OTUD7A: variants seen among roughly 807,000 people sequenced by gnomAD.
OTUD7A encodes the protein OTU deubiquitinase 7A.
In OTUD7A, 12 loss-of-function variants were observed where a neutral mutation model predicts 65.7. The observed-to-expected ratio is 0.18, with a 90% confidence interval of 0.12 to 0.30. The LOEUF (loss-of-function observed/expected upper bound fraction) is 0.30, where lower values mean the gene tolerates loss of function less well. Among genes scored for constraint, OTUD7A ranks in the 10% least tolerant of loss-of-function variants. The pLI, the probability that OTUD7A is intolerant of heterozygous loss-of-function variation, is 1.00. For synonymous variants in OTUD7A, 641 were observed against 586.3 expected (o/e 1.09, Z -1.35); for missense variants, 1,148 against 1,304.8 (o/e 0.88, Z 1.85).
intron 1 of OTUD7A, among the ~76,000 whole-genome samples, chr15:31,835,568 C>A (rs1031446533): frequency 6.6e-5 from 10 of 152,148 alleles, no homozygotes; most frequent in African/African-American, 2.4e-4. Context: ...CTGTTTTATT[C>A]CCTTTCAAAA....
At chr15:31,767,367 A>G (rs1895118006) in intron 1 of OTUD7A, 6 of 776,766 alleles carry the variant, frequency 7.7e-6, no homozygotes, top group Admixed American at 3.5e-5. Flanking sequence ...AGGGAGATCT[A>G]GAAAATAATC....
chr15:31,682,806 AGTGT>A (rs1364377407), intron 1 of OTUD7A, among the ~76,000 whole-genome samples: 1 of 152,152 alleles, frequency 6.6e-6, no homozygotes, highest in Non-Finnish European at 1.5e-5. Flanking sequence ...TGTGTTTAAT[AGTGT>A]GTATGTGTAT....
chr15:31,571,928 A>G (rs1441490777), intron 3 of OTUD7A, among the ~76,000 whole-genome samples: 2 of 151,962 alleles, frequency 1.3e-5, no homozygotes, highest in African/African-American at 4.8e-5. Flanking sequence ...ACCCTGGGAC[A>G]CTCTATGGTC....
intron 1 of OTUD7A, among the ~76,000 whole-genome samples, chr15:31,817,971 AAGAGAGCCGTC>A (rs1485988848): frequency 6.6e-6 from 1 of 152,182 alleles, no homozygotes; most frequent in Non-Finnish European, 1.5e-5. Flanking sequence ...ATGCCCTTAG[AAGAGAGCCGTC>A]AGAGAGCTGC....
chr15:31,752,798 T>G (rs933253457), intron 1 of OTUD7A, among the ~76,000 whole-genome samples: 1 of 152,082 alleles, frequency 6.6e-6, no homozygotes, highest in African/African-American at 2.4e-5. Context: ...CCTCATCATT[T>G]TTGAAAAAAA....
chr15:31,584,370 A>G (rs1889464531), intron 3 of OTUD7A, among the ~76,000 whole-genome samples: 1 of 152,196 alleles, frequency 6.6e-6, no homozygotes, highest in Non-Finnish European at 1.5e-5. Context: ...TGGGATCCTG[A>G]GAACACTTAA....
intron 8 of OTUD7A, among the ~76,000 whole-genome samples, chr15:31,506,313 G>A (rs1297831046): frequency 1.3e-5 from 2 of 151,748 alleles, no homozygotes; most frequent in African/African-American, 4.8e-5. Context: ...CGTTTTCAGT[G>A]TAATTTATGA....
intron 1 of OTUD7A, among the ~76,000 whole-genome samples, chr15:31,730,513 C>A (rs1301110025): frequency 7.9e-5 from 12 of 152,158 alleles, no homozygotes; most frequent in Non-Finnish European, 4.4e-5. Context: ...AACCTTCTGG[C>A]CAGCCTCTCA....
intron 5 of OTUD7A, among the ~76,000 whole-genome samples, chr15:31,554,748 C>T (rs1888436149): frequency 6.6e-6 from 1 of 152,182 alleles, no homozygotes; most frequent in Non-Finnish European, 1.5e-5. Context: ...TGATACTTCC[C>T]AACCCAGAGA....
At chr15:31,710,646 TG>T (rs1893418951) in intron 1 of OTUD7A, among the ~76,000 whole-genome samples, 1 of 152,254 alleles carries the variant, frequency 6.6e-6, no homozygotes, top group Admixed American at 6.5e-5. Flanking sequence ...GAATGATCTG[TG>T]AATGTCTGTT....
chr15:31,551,217 A>G (rs1227956678), intron 5 of OTUD7A, among the ~76,000 whole-genome samples: 1 of 152,194 alleles, frequency 6.6e-6, no homozygotes, highest in Non-Finnish European at 1.5e-5. Context: ...AGACCCCATC[A>G]TGGCCCAGTG....
chr15:31,665,309 ATTGT>A (rs1183809429), intron 1 of OTUD7A, among the ~76,000 whole-genome samples: 1 of 152,088 alleles, frequency 6.6e-6, no homozygotes, highest in Non-Finnish European at 1.5e-5. Context: ...TGTGTTCCCA[ATTGT>A]TTGTGTCATC....
chr15:31,515,953 T>C (rs923249104), intron 8 of OTUD7A, among the ~76,000 whole-genome samples: 9 of 140,654 alleles, frequency 6.4e-5, no homozygotes, highest in African/African-American at 1.5e-4. Context: ...CATCCATCCA[T>C]CCACCCACCC....
intron 1 of OTUD7A, among the ~76,000 whole-genome samples, chr15:31,683,768 T>C (rs1892774410): frequency 6.6e-6 from 1 of 152,130 alleles, no homozygotes; most frequent in African/African-American, 2.4e-5. Context: ...CAAAACCGTC[T>C]GGAGTTCTAT....
intron 3 of OTUD7A, among the ~76,000 whole-genome samples, chr15:31,586,344 A>G (rs1889536624): frequency 6.6e-6 from 1 of 152,224 alleles, no homozygotes; most frequent in African/African-American, 2.4e-5. Flanking sequence ...TCACATACCT[A>G]TCAATTTACA....
chr15:31,630,570 T>G (rs1312053111), intron 3 of OTUD7A, among the ~76,000 whole-genome samples: 12 of 152,198 alleles, frequency 7.9e-5, no homozygotes, highest in African/African-American at 2.9e-4. Context: ...TCTGTTGATT[T>G]GGGGTGGAGA....
intron 3 of OTUD7A, among the ~76,000 whole-genome samples, chr15:31,593,126 T>C (rs1157726052): frequency 6.6e-6 from 1 of 152,020 alleles, no homozygotes; most frequent in South Asian, 2.1e-4. Context: ...GTAGATTTAT[T>C]TGCAGCATCC....
chr15:31,655,547 T>C (rs2625805), intron 2 of OTUD7A, among the ~76,000 whole-genome samples: 2,855 of 151,944 alleles, frequency 0.019, 91 homozygotes, highest in African/African-American at 0.066. Flanking sequence ...ATCTCCAAGG[T>C]GATGGAGAAA....
At chr15:31,581,608 T>C (rs886087174) in intron 3 of OTUD7A, among the ~76,000 whole-genome samples, 4 of 152,258 alleles carry the variant, frequency 2.6e-5, no homozygotes, top group Non-Finnish European at 5.9e-5. Flanking sequence ...ATGTGGAAGC[T>C]GCCAAGGCTT....
Sources: allele counts gnomAD v4.1 joint callset (sites outside exome capture counted in the v4.1 genomes callset), GRCh38; gene constraint gnomAD v4.1.1; transcripts MANE v1.5; gene names NCBI Gene and HGNC (gene_info 2026-07-23, HGNC 2026-07-21).